The following ERC2 variants were observed in gnomAD, a reference collection of about 807,000 sequenced individuals.
ERC2 encodes the protein ELKS/RAB6-interacting/CAST family member 2, also known as ERC protein 2.
Under a neutral mutation model 114.8 loss-of-function variants are expected in ERC2, and 42 were observed. That is an observed-to-expected ratio of 0.37 (90% CI 0.29 to 0.47). The LOEUF (loss-of-function observed/expected upper bound fraction) is 0.47. ERC2 is among the 20% of genes least tolerant of loss of function. The probability of loss-of-function intolerance (pLI) is 0.99; values close to 1 mark genes in which losing one functional copy is unlikely to be tolerated. For missense variants in ERC2, 939 were observed against 1,150.7 expected, an observed-to-expected ratio of 0.82 and a Z score of 2.66; for synonymous variants, 454 against 425.5, an observed-to-expected ratio of 1.07 and a Z score of -0.82.
intron 6 of ERC2, among the ~76,000 whole-genome samples, chr3:56,120,344 T>C (rs766642301): frequency 6.6e-5 from 10 of 152,058 alleles, no homozygotes; most frequent in Non-Finnish European, 1.5e-4. Context: ...TAAAAACCCA[T>C]GGATTTTATG....
At chr3:56,354,673 C>T (rs1322696560) in intron 2 of ERC2, among the ~76,000 whole-genome samples, 2 of 152,186 alleles carry the variant, frequency 1.3e-5, no homozygotes, top group Non-Finnish European at 2.9e-5. Context: ...CTACATGATA[C>T]CCATGTCACT....
intron 14 of ERC2, among the ~76,000 whole-genome samples, chr3:55,819,026 A>G (rs936708503): frequency 6.6e-6 from 1 of 152,200 alleles, no homozygotes; most frequent in Non-Finnish European, 1.5e-5. Context: ...GTCACTCCAT[A>G]GAAATTCATT....
chr3:56,079,186 T>A (rs1252637222), intron 7 of ERC2, among the ~76,000 whole-genome samples: 1 of 152,154 alleles, frequency 6.6e-6, no homozygotes, highest in African/African-American at 2.4e-5. Flanking sequence ...TCATTTTCAT[T>A]TACCTGATAT....
intron 17 of ERC2, among the ~76,000 whole-genome samples, chr3:55,546,409 T>C (rs1370626376): frequency 1.3e-5 from 2 of 152,166 alleles, no homozygotes; most frequent in African/African-American, 2.4e-5. Flanking sequence ...CCACCCCTTC[T>C]CTGGGATTCA....
intron 15 of ERC2, among the ~76,000 whole-genome samples, chr3:55,723,125 C>A (rs2064684205): frequency 6.6e-6 from 1 of 152,052 alleles, no homozygotes; most frequent in Non-Finnish European, 1.5e-5. Flanking sequence ...AAATCATAAA[C>A]CAAGAAATAT....
At chr3:55,746,204 C>A (rs1307018143) in intron 14 of ERC2, among the ~76,000 whole-genome samples, 1 of 151,960 alleles carries the variant, frequency 6.6e-6, no homozygotes, top group Non-Finnish European at 1.5e-5. Context: ...GTTAGCGCAA[C>A]ATTCAAATAA....
chr3:55,981,009 A>G (rs930458265), intron 12 of ERC2, among the ~76,000 whole-genome samples: 1 of 152,268 alleles, frequency 6.6e-6, no homozygotes, highest in African/African-American at 2.4e-5. Context: ...AACATGCAGC[A>G]TAAAGCCCTA....
At chr3:56,123,520 C>G (rs766188024) in intron 6 of ERC2, among the ~76,000 whole-genome samples, 2 of 151,948 alleles carry the variant, frequency 1.3e-5, no homozygotes, top group Non-Finnish European at 2.9e-5. Flanking sequence ...CCTAAAGGGA[C>G]TGTGTAGACA....
At chr3:55,571,730 C>G (rs535060654) in intron 17 of ERC2, among the ~76,000 whole-genome samples, 1 of 152,174 alleles carries the variant, frequency 6.6e-6, no homozygotes, top group African/African-American at 2.4e-5. Context: ...GTGCCTTCCC[C>G]TCTTGGAATT....
At chr3:56,103,646 T>G (rs1275379284) in intron 6 of ERC2, among the ~76,000 whole-genome samples, 1 of 152,114 alleles carries the variant, frequency 6.6e-6, no homozygotes, top group Non-Finnish European at 1.5e-5. Context: ...GTGGGTAGAA[T>G]CCAAGGAAGT....
chr3:56,460,025 T>C (rs2063240157), intron 1 of ERC2, among the ~76,000 whole-genome samples: 1 of 152,174 alleles, frequency 6.6e-6, no homozygotes, highest in East Asian at 1.9e-4. Flanking sequence ...CCCTGGGAAT[T>C]GGCCAGCCAA....
intron 2 of ERC2, among the ~76,000 whole-genome samples, chr3:56,340,090 T>C (rs1318103495): frequency 6.6e-6 from 1 of 152,236 alleles, no homozygotes; most frequent in African/African-American, 2.4e-5. Context: ...AATTAAATCC[T>C]ATGATTTGGT....
chr3:56,359,110 T>C, intron 2 of ERC2, among the ~76,000 whole-genome samples: 1 of 152,196 alleles, frequency 6.6e-6, no homozygotes, highest in East Asian at 1.9e-4. Context: ...ATGTGCAAAA[T>C]CTGGCATATC....
intron 9 of ERC2, among the ~76,000 whole-genome samples, chr3:56,009,988 C>T (rs1000718038): frequency 2.0e-5 from 3 of 152,132 alleles, no homozygotes; most frequent in Non-Finnish European, 4.4e-5. Flanking sequence ...AGCATGGTAC[C>T]ACATCTCCTA....
chr3:56,193,700 T>A (rs1467974086), intron 3 of ERC2, among the ~76,000 whole-genome samples: 1 of 152,180 alleles, frequency 6.6e-6, no homozygotes, highest in Non-Finnish European at 1.5e-5. Flanking sequence ...AAGAAACTGA[T>A]GAGACCAGTA....
intron 2 of ERC2, among the ~76,000 whole-genome samples, chr3:56,423,672 C>T (rs2061466995): frequency 6.6e-6 from 1 of 152,216 alleles, no homozygotes; most frequent in South Asian, 2.1e-4. Context: ...AAGGCACAAT[C>T]AAGCACTGGC....
At chr3:56,199,340 A>G (rs1328324370) in intron 3 of ERC2, among the ~76,000 whole-genome samples, 1 of 152,182 alleles carries the variant, frequency 6.6e-6, no homozygotes, top group East Asian at 1.9e-4. Context: ...TGGATTCTAG[A>G]CAAAGGCAAA....
intron 2 of ERC2, among the ~76,000 whole-genome samples, chr3:56,334,422 C>T (rs1376150954): frequency 6.6e-6 from 1 of 152,180 alleles, no homozygotes; most frequent in Non-Finnish European, 1.5e-5. Context: ...TGCAACTTAG[C>T]CTCATTTCTG....
chr3:56,317,898 G>T (rs2056945174), intron 2 of ERC2, among the ~76,000 whole-genome samples: 1 of 152,166 alleles, frequency 6.6e-6, no homozygotes, highest in Admixed American at 6.5e-5. Flanking sequence ...CATGGTATCT[G>T]AGCAAAGACC....
Sources: gnomAD v4.1 joint callset for allele counts (sites outside exome capture counted in the v4.1 genomes callset) on GRCh38, gnomAD v4.1.1 for gene constraint, MANE v1.5 for transcripts, NCBI Gene and HGNC (gene_info 2026-07-23, HGNC 2026-07-21) for gene names.